The following PRIM2 variants were observed in gnomAD, a reference collection of about 807,000 sequenced individuals.
PRIM2 encodes the protein DNA primase large subunit.
Under a neutral mutation model 67.3 loss-of-function variants are expected in PRIM2, and 39 were observed. The ratio of observed to expected loss-of-function variants is 0.58; its 90% CI spans 0.45 to 0.76. The LOEUF is 0.76. PRIM2 is among the 30% of genes least tolerant of loss of function. The pLI, the probability that PRIM2 is intolerant of heterozygous loss-of-function variation, is 0.00. For synonymous variants in PRIM2, 143 were observed against 198.7 expected (o/e 0.72, Z 2.36); for missense variants, 398 against 598.7 (o/e 0.66, Z 3.50).
At chr6:57,591,077 TC>T (rs1776274677) in intron 10 of PRIM2, among the ~76,000 whole-genome samples, 1 of 152,182 alleles carries the variant, frequency 6.6e-6, no homozygotes, top group Admixed American at 6.5e-5. Flanking sequence ...TGTGTGATGT[TC>T]TAATGATCTC....
intron 12 of PRIM2, among the ~76,000 whole-genome samples, chr6:57,629,222 A>C (rs1237242546): frequency 5.3e-4 from 81 of 152,316 alleles, no homozygotes; most frequent in Admixed American, 2.2e-3. Flanking sequence ...CATCAGAATC[A>C]CTTGGGAAGA....
chr6:57,510,580 C>T (rs1201921319), intron 8 of PRIM2, among the ~76,000 whole-genome samples: 2 of 152,112 alleles, frequency 1.3e-5, no homozygotes, highest in African/African-American at 4.8e-5. Flanking sequence ...TCACTCATGA[C>T]GGGTTGCTAG....
chr6:57,330,958 G>A (rs569948823), intron 5 of PRIM2, among the ~76,000 whole-genome samples: 7 of 151,992 alleles, frequency 4.6e-5, no homozygotes, highest in East Asian at 3.9e-4. Flanking sequence ...CGAGGTGGGC[G>A]GATCACAAGG....
At chr6:57,243,373 A>G in the PRIM2 span, among the ~76,000 whole-genome samples, 2 of 152,202 alleles carry the variant, frequency 1.3e-5, no homozygotes, top group African/African-American at 4.8e-5. Context: ...GAGGAAAGGA[A>G]TGATGTTGGT....
At chr6:57,249,202 C>A in the PRIM2 span, among the ~76,000 whole-genome samples, 2 of 152,182 alleles carry the variant, frequency 1.3e-5, no homozygotes, top group Non-Finnish European at 2.9e-5. Context: ...AAAATCTAAA[C>A]TAGCTTTTCC....
At chr6:57,380,050 C>T (rs2127334523) in intron 6 of PRIM2, 54 bp downstream of exon 6, 1 of 1,399,512 alleles carries the variant, frequency 7.1e-7, no homozygotes, top group African/African-American at 1.4e-5. Flanking sequence ...TCGCATTGAG[C>T]TTTATATACA....
At chr6:57,386,003 T>C (rs1412057554) in intron 7 of PRIM2, among the ~76,000 whole-genome samples, 2 of 151,798 alleles carry the variant, frequency 1.3e-5, no homozygotes, top group Non-Finnish European at 2.9e-5. Flanking sequence ...TTGGAAAACA[T>C]ATTTCTGTTG....
chr6:57,225,463 T>G, the PRIM2 span, among the ~76,000 whole-genome samples: 1 of 152,332 alleles, frequency 6.6e-6, no homozygotes. Flanking sequence ...CATGTAGTTG[T>G]GCTATAGTAG....
chr6:57,270,553 T>C, the PRIM2 span, among the ~76,000 whole-genome samples: 2 of 152,198 alleles, frequency 1.3e-5, no homozygotes, highest in Admixed American at 1.3e-4. Context: ...TTTCTAGATA[T>C]ACAATCATGT....
intron 2 of PRIM2, among the ~76,000 whole-genome samples, chr6:57,320,237 TATTAA>T (rs1179281778): frequency 6.6e-6 from 1 of 151,924 alleles, no homozygotes; most frequent in East Asian, 1.9e-4. Flanking sequence ...GAATCCCTGG[TATTAA>T]ATTATGCTGT....
chr6:57,230,139 T>G, the PRIM2 span, among the ~76,000 whole-genome samples: 1 of 152,182 alleles, frequency 6.6e-6, no homozygotes, highest in Admixed American at 6.5e-5. Flanking sequence ...GTGTAGGTTT[T>G]GGGCCTTGAT....
intron 8 of PRIM2, among the ~76,000 whole-genome samples, chr6:57,525,200 A>T: frequency 6.6e-6 from 1 of 152,278 alleles, no homozygotes; most frequent in East Asian, 1.9e-4. Context: ...TCAGATCCTA[A>T]GAAAAAGACT....
chr6:57,379,593 G>A (rs1336899693), intron 5 of PRIM2, among the ~76,000 whole-genome samples: 2 of 152,020 alleles, frequency 1.3e-5, no homozygotes, highest in Non-Finnish European at 2.9e-5. Flanking sequence ...ATTAACCTGA[G>A]TTTTTATGAT....
intron 10 of PRIM2, among the ~76,000 whole-genome samples, chr6:57,567,039 A>G (rs1441497355): frequency 1.3e-5 from 2 of 152,198 alleles, no homozygotes; most frequent in African/African-American, 4.8e-5. Flanking sequence ...TGCCTTGTAC[A>G]TAGTAAGTAC....
rs560504460 is a variant in PRIM2 at position 57,417,873 on chromosome 6, T to TAAAGTGAAGTATGGTG, written c.693+35709_693+35724dup. ...AGTTTTAACACAATTTGAAGTGCAG[T>TAAAGTGAAGTATGGTG]AAAGTGAAGTATGGTGAAATGAGGT... is the stretch of plus-strand genomic sequence containing the variant. On this transcript the variant is annotated intron_variant, in intron 7 of 13. Transcript: ENST00000615550. 9.4e-3 allele frequency among the ~76,000 whole-genome samples: 1,437 copies of TAAAGTGAAGTATGGTG among 152,288 alleles called. 12 individuals are homozygous for TAAAGTGAAGTATGGTG. Among genetic ancestry groups the TAAAGTGAAGTATGGTG allele is most frequent in the Middle Eastern group, 0.024 (7 of 294 alleles).
intron 12 of PRIM2, among the ~76,000 whole-genome samples, chr6:57,610,861 C>G (rs1776654591): frequency 6.6e-6 from 1 of 152,084 alleles, no homozygotes. Flanking sequence ...CCAACTTTAC[C>G]TAATTAACAT....
At chr6:57,310,545 G>C (rs147044748), upstream of PRIM2, among the ~76,000 whole-genome samples, 2 of 152,370 alleles carry the variant, frequency 1.3e-5, no homozygotes, top group South Asian at 2.1e-4. Context: ...ATCATGGCCC[G>C]TTCTGGATGA....
chr6:57,366,486 G>A (rs1055769112), intron 5 of PRIM2, among the ~76,000 whole-genome samples: 5 of 152,104 alleles, frequency 3.3e-5, no homozygotes, highest in African/African-American at 1.2e-4. Flanking sequence ...GTGATGCGTT[G>A]CTTGTGAATT....
chr6:57,558,179 C>T (rs1191043085), intron 10 of PRIM2, among the ~76,000 whole-genome samples: 7 of 152,146 alleles, frequency 4.6e-5, no homozygotes, highest in Admixed American at 1.3e-4. Context: ...ATGAAGGTTA[C>T]GTATGATAAT....
Sources: gnomAD v4.1 joint callset for allele counts (sites outside exome capture counted in the v4.1 genomes callset) on GRCh38, gnomAD v4.1.1 for gene constraint, MANE v1.5 for transcripts, NCBI Gene and HGNC (gene_info 2026-07-23, HGNC 2026-07-21) for gene names.